Variants in VPS18 observed in about 807,000 individuals in gnomAD.
VPS18 encodes VPS18 core subunit of CORVET and HOPS complexes.
VPS18 carries 25 observed loss-of-function variants against 82.0 expected under a neutral mutation model. That is an observed-to-expected ratio of 0.30 (90% CI 0.22 to 0.43). VPS18 has a LOEUF of 0.43. VPS18 is among the 20% of genes least tolerant of loss of function. The pLI, the probability that VPS18 is intolerant of heterozygous loss-of-function variation, is 1.00. For synonymous variants in VPS18, 523 were observed against 543.0 expected, an observed-to-expected ratio of 0.96 and a Z score of 0.51; for missense variants, 1,168 against 1,311.1, an observed-to-expected ratio of 0.89 and a Z score of 1.69.
rs889132840 is a variant in VPS18 at position 40,902,922 on chromosome 15, C to A, written c.2503C>A (p.Arg835=). The stretch of plus-strand genomic sequence containing the variant: ...TACAGCCAGTGCCCAGCGCATCCGG[C>A]GAGACCTGCAGGAGCTGCGGGGCCG... The part of the protein sequence containing the change: ...EATASAQRIR[R]DLQELRGRYG... The change falls in exon 5 of 5, where the codon CGA becomes AGA. Residue 835 remains arginine (R), a synonymous_variant. Coordinates refer to ENST00000220509, the MANE Select transcript of VPS18 (RefSeq NM_020857.3). The surrounding 1 kb of genome is among the most constrained non-coding windows in gnomAD (Gnocchi z 4.2). 1 of 1,614,266 alleles carries A rather than the reference C, an allele frequency of 6.2e-7. No individual in the cohort carries two copies.
rs753260322 is a variant in VPS18, at chr15:40,902,762, C to G, written c.2343C>G (p.Pro781=). 1 of 1,614,266 alleles carries G rather than the reference C, an allele frequency of 6.2e-7. No individual in the cohort carries two copies. Among genetic ancestry groups the G allele is most frequent in the Non-Finnish European group, 8.5e-7 (1 of 1,180,048 alleles). The change falls in exon 5 of 5, where the codon CCC becomes CCG. Residue 781 remains proline (P), a synonymous_variant. Transcript: ENST00000220509. This position sits in a 1 kb window ranked among gnomAD's most constrained non-coding sequence, Gnocchi z 4.2. The part of the protein sequence containing the change: ...QTAMACLASC[P]LLKIEDVLPF... The stretch of plus-strand genomic sequence containing the variant: ...CCATGGCTTGCCTGGCTAGCTGCCC[C>G]TTGCTCAAGATTGAGGATGTGCTGC...
intron 4 of VPS18, among the ~76,000 whole-genome samples, chr15:40,901,953 G>A (rs8024138): frequency 0.078 from 11,874 of 152,152 alleles, 1,381 homozygotes; most frequent in African/African-American, 0.25. Context: ...GTACATGCAC[G>A]TTAGCAGAAG....
chr15:40,902,705 C>T lies in VPS18; in HGVS notation c.2286C>T (p.His762=), dbSNP rs1441879123. The change falls in exon 5 of 5, where the codon CAC becomes CAT. Residue 762 remains histidine, a synonymous_variant. Coordinates refer to ENST00000220509, the MANE Select transcript of VPS18 (RefSeq NM_020857.3). The surrounding 1 kb of genome is among the most constrained non-coding windows in gnomAD (Gnocchi z 4.2). ...RKKLWLKIAR[H]VVQEEEDVQT... The stretch of plus-strand genomic sequence containing the variant: ...AGCTGTGGCTGAAGATCGCACGGCA[C>T]GTGGTGCAGGAAGAGGAAGATGTAC... 8 of 1,614,268 alleles carry T rather than the reference C, an allele frequency of 5.0e-6. No individual in the cohort carries two copies. Among genetic ancestry groups the T allele is most frequent in the Admixed American group, 1.7e-5 (1 of 60,032 alleles).
At position 40,899,053 on chromosome 15, in the gene VPS18, G is replaced by C. The variant is rs2142037290; in HGVS notation, c.325+55G>C. 6.2e-7 allele frequency: 1 copy of C among 1,605,178 alleles called. No homozygotes were observed. The highest frequency in any genetic ancestry group is 8.5e-7 in the Non-Finnish European group (1 of 1,176,346). ...GTCTCTGGTCAGTCACTGCCTGGGT[G>C]GGTGGGCTCTGAGGGTGGTGTGGGG... On this transcript the variant is annotated intron_variant, in intron 3 of 4. Transcript: ENST00000220509. The surrounding 1 kb of genome is among the most constrained non-coding windows in gnomAD (Gnocchi z 4.4).
chr15:40,900,904 G>A lies in VPS18; in HGVS notation c.2086G>A (p.Asp696Asn), dbSNP rs772614951. ...AGASPHRVHY[D>N]LKYALRLCAE... ...GGCCAGCCCCCACCGGGTGCATTAC[G>A]ACCTCAAGTATGCGCTGCGGCTCTG... Residue 696 changes from aspartate (D) to asparagine (N), a missense_variant, in exon 4 of 5, where the codon GAC (aspartate) becomes AAC (asparagine). Around this residue, in one of 3 missense-constraint regions of VPS18, gnomAD observed 868 missense variants for 939.8 expected, o/e 0.92. Transcript: ENST00000220509. The surrounding 1 kb of genome is among the most constrained non-coding windows in gnomAD (Gnocchi z 5.4). 94 of 1,613,826 alleles carry A rather than the reference G, an allele frequency of 5.8e-5. No individual in the cohort carries two copies. The highest frequency in any genetic ancestry group is 7.7e-5 in the Non-Finnish European group (91 of 1,180,044).
At chr15:40,896,636 C>G (rs1225885005) in intron 2 of VPS18, among the ~76,000 whole-genome samples, 2 of 151,380 alleles carry the variant, frequency 1.3e-5, no homozygotes, top group South Asian at 2.1e-4. Context: ...CATGGTGAAA[C>G]GCTGTTTCTA....
intron 2 of VPS18, among the ~76,000 whole-genome samples, chr15:40,898,267 T>TCC (rs1193459048): frequency 6.8e-6 from 1 of 147,806 alleles, no homozygotes; most frequent in African/African-American, 2.6e-5. Flanking sequence ...TTTTTTTTTT[T>TCC]CCCCCCTTTT....
chr15:40,901,101 A>G, intron 4 of VPS18, 87 bp downstream of exon 4: 1 of 1,434,546 alleles, frequency 7.0e-7, no homozygotes, highest in Non-Finnish European at 9.4e-7. Flanking sequence ...GGCCATGGCT[A>G]GAGGGTGCTG....
At position 40,902,988 on chromosome 15, in the gene VPS18, G is replaced by A. The variant is rs1396859539; in HGVS notation, c.2569G>A (p.Asp857Asn). 9 of 1,614,136 alleles carry A rather than the reference G, an allele frequency of 5.6e-6. No homozygotes were observed. The highest frequency in any genetic ancestry group is 1.3e-5 in the African/African-American group (1 of 74,944). The change falls in exon 5 of 5, where the codon GAC (aspartate) becomes AAC (asparagine). Residue 857 changes from aspartate (D) to asparagine (N), a missense_variant. This residue lies in a region of VPS18 where 296 missense variants were observed against 354.0 expected (regional missense o/e 0.84). Transcript: ENST00000220509. The surrounding 1 kb of genome is among the most constrained non-coding windows in gnomAD (Gnocchi z 4.2). ...VEPQDKCATC[D>N]FPLLNRPFYL... ...GCCCCAGGACAAATGTGCCACCTGCGACTTCCCCCTGCTCAACCGCCCTTT... is the reference window on the plus strand; with the variant it reads ...GCCCCAGGACAAATGTGCCACCTGCAACTTCCCCCTGCTCAACCGCCCTTT...
At position 40,894,696 on chromosome 15, in the gene VPS18, CGACG is replaced by C; in HGVS notation, c.-71_-68del. ...GGGAGTTACAGCTTCCATTCTGGGGCGACGGGGACCCCGGGGGGGTAGCCCTTTT... is the reference window on the plus strand; with the variant it reads ...GGGAGTTACAGCTTCCATTCTGGGGCGGGACCCCGGGGGGGTAGCCCTTTT... On this transcript the variant is annotated 5_prime_UTR_variant, in exon 1 of 5. Transcript: ENST00000220509. The C allele has an allele frequency of 7.0e-7, 1 of 1,423,298 alleles. No homozygotes were observed. Among genetic ancestry groups the C allele is most frequent in the Non-Finnish European group, 9.4e-7 (1 of 1,065,478 alleles). The allele number at this position is 1,423,298 out of a possible 1,614,324, so 88.2% of individuals were successfully genotyped here. A position where few individuals can be genotyped will look rare whatever the true frequency, so the allele number is the denominator to read the frequency against.
At position 40,900,684 on chromosome 15, in the gene VPS18, T is replaced by C; in HGVS notation, c.1866T>C (p.Asp622=). 1.9e-6 allele frequency: 3 copies of C among 1,614,172 alleles called. No individual in the cohort carries two copies. Among genetic ancestry groups the C allele is most frequent in the Non-Finnish European group, 2.5e-6 (3 of 1,180,032 alleles). The change falls in exon 4 of 5, where the codon GAT becomes GAC. Residue 622 remains aspartate (D), a synonymous_variant. Coordinates refer to ENST00000220509, the MANE Select transcript of VPS18 (RefSeq NM_020857.3). This position sits in a 1 kb window ranked among gnomAD's most constrained non-coding sequence, Gnocchi z 5.4. ...GGATTGAGATGGGCAGCCGGCTGGA[T>C]GCTCGTCAGCTCATTCCTGCCCTGG... ...DAWIEMGSRL[D]ARQLIPALVN...
Position 40,902,940 on chromosome 15 carries a change from CG to C in VPS18, c.2525del (p.Gly842AlafsTer109), listed in dbSNP as rs1566871550. On this transcript the variant is annotated frameshift_variant, in exon 5 of 5. Transcript: ENST00000220509. LOFTEE classifies it high-confidence loss of function. This position sits in a 1 kb window ranked among gnomAD's most constrained non-coding sequence, Gnocchi z 4.2. The part of the protein sequence containing the change: ...QRIRRDLQEL[R>X]GRYGTVEPQD... ...CATCCGGCGAGACCTGCAGGAGCTG[CG>C]GGGCCGCTACGGCACTGTGGAGCCC... 1.2e-6 allele frequency: 2 copies of C among 1,614,262 alleles called. No homozygotes were observed. The highest frequency in any genetic ancestry group is 1.7e-6 in the Non-Finnish European group (2 of 1,180,056).
chr15:40,902,272 C>T lies in VPS18; in HGVS notation c.2197-344C>T, dbSNP rs1288226414. On this transcript the variant is annotated intron_variant, in intron 4 of 4. Transcript: ENST00000220509. The surrounding 1 kb of genome is among the most constrained non-coding windows in gnomAD (Gnocchi z 4.2). ...GGACTACAGGCGCCCGCCACCACAC[C>T]CGGCTAATTTTTTTGTATTTTTAGT... Among the ~76,000 whole-genome samples, 1 of 151,996 alleles carries T rather than the reference C, an allele frequency of 6.6e-6. No homozygotes were observed. The highest frequency in any genetic ancestry group is 1.5e-5 in the Non-Finnish European group (1 of 68,010).
rs1480439642 is a variant in VPS18 at position 40,898,895 on chromosome 15, T to C, written c.234-12T>C. On this transcript the variant is annotated splice_polypyrimidine_tract_variant and intron_variant, in intron 2 of 4. Transcript: ENST00000220509. ...CCCTTCTCTAAAGTGATGGTGACGC[T>C]TGTCCCCACAGCATTGACTTGGGCA... is the stretch of plus-strand genomic sequence containing the variant. The C allele has an allele frequency of 6.2e-7, 1 of 1,612,692 alleles. No individual in the cohort carries two copies. The highest frequency in any genetic ancestry group is 8.5e-7 in the Non-Finnish European group (1 of 1,179,064).
intron 4 of VPS18, 113 bp downstream of exon 4, chr15:40,901,127 A>G: frequency 2.7e-6 from 3 of 1,123,138 alleles, no homozygotes; most frequent in South Asian, 1.5e-5. Context: ...CCTTGCAGAG[A>G]GGGAAGGTTA....
At position 40,902,136 on chromosome 15, in the gene VPS18, G is replaced by A. The variant is rs146015565; in HGVS notation, c.2197-480G>A. 0.014 allele frequency among the ~76,000 whole-genome samples: 2,103 copies of A among 147,390 alleles called. 18 individuals are homozygous for A. Among genetic ancestry groups the A allele is most frequent in the Non-Finnish European group, 0.022 (1,475 of 67,136 alleles). ...TCTTTCTTTTTTTTTTTTTTGAGAC[G>A]GAGTCTTGCTCTGTTTCCCAGGCAG... On this transcript the variant is annotated intron_variant, in intron 4 of 4. Transcript: ENST00000220509. The surrounding 1 kb of genome is among the most constrained non-coding windows in gnomAD (Gnocchi z 4.2).
In VPS18 at chr15:40,898,954, G is replaced by GT. The variant is rs756521068; in HGVS notation, c.282dup (p.Lys95Ter). ...GAGCCCAACCACGTGGAGCTGGGAC[G>GT]TAAGGATGACGCAAAAGTTCACAAG... On this transcript the variant is annotated frameshift_variant, in exon 3 of 5. Coordinates refer to ENST00000220509, the MANE Select transcript of VPS18 (RefSeq NM_020857.3). LOFTEE classifies it high-confidence loss of function. The GT allele has an allele frequency of 6.2e-7, 1 of 1,614,154 alleles. No individual in the cohort carries two copies. The highest frequency in any genetic ancestry group is 1.7e-5 in the Admixed American group (1 of 60,014).
Position 40,895,533 on chromosome 15 carries a change from T to A in VPS18, c.92-405T>A, listed in dbSNP as rs139936053. ...CTTGCCAACTCTACACTGAGGCTCA[T>A]TACCGCATGGGCAGGGAGGGGGGCA... On this transcript the variant is annotated intron_variant, in intron 1 of 4. Coordinates refer to ENST00000220509, the MANE Select transcript of VPS18 (RefSeq NM_020857.3). 2.8e-3 allele frequency among the ~76,000 whole-genome samples: 425 copies of A among 152,210 alleles called. 2 individuals carry two copies. The highest frequency in any genetic ancestry group is 9.8e-3 in the African/African-American group (406 of 41,532).
rs777819394 is a variant in VPS18, at chr15:40,900,049, G to A, written c.1231G>A (p.Ala411Thr). The change falls in exon 4 of 5, where the codon GCC becomes ACC. Residue 411 changes from alanine to threonine, a missense_variant. Around this residue, in one of 3 missense-constraint regions of VPS18, gnomAD observed 868 missense variants for 939.8 expected, o/e 0.92. Transcript: ENST00000220509. This position sits in a 1 kb window ranked among gnomAD's most constrained non-coding sequence, Gnocchi z 5.4. The stretch of plus-strand genomic sequence containing the variant: ...TCTGGACATGAACCGCTTCGATCTG[G>A]CCAAAGAGTATTGTCGAGAGCGGCC... ...TYLDMNRFDL[A>T]KEYCRERPDC... 5 of 1,613,870 alleles carry A rather than the reference G, an allele frequency of 3.1e-6. No homozygotes were observed. The highest frequency in any genetic ancestry group is 4.2e-6 in the Non-Finnish European group (5 of 1,179,976).
Sources: gnomAD v4.1 joint callset for allele counts (sites outside exome capture counted in the v4.1 genomes callset) on GRCh38, gnomAD v4.1.1 for gene constraint, gnomAD v4.1.1 regional missense constraint, Gnocchi (gnomAD v3.1) non-coding constraint, MANE v1.5 for transcripts, NCBI Gene and HGNC (gene_info 2026-07-23, HGNC 2026-07-21) for gene names.